The following SLC6A11 variants were observed in gnomAD, a reference collection of about 807,000 sequenced individuals.
SLC6A11 encodes the protein sodium- and chloride-dependent GABA transporter 3.
In SLC6A11, 25 loss-of-function variants were observed where a neutral mutation model predicts 74.8. That is an observed-to-expected ratio of 0.33 (90% confidence interval 0.24 to 0.47). SLC6A11 has a LOEUF of 0.47. Ranked by LOEUF, SLC6A11 falls within the 20% of genes least tolerant of loss-of-function variation. The pLI, the probability that SLC6A11 is intolerant of heterozygous loss-of-function variation, is 1.00. For synonymous variants in SLC6A11, 330 were observed against 330.2 expected, an observed-to-expected ratio of 1.00 and a Z score of 0.01; for missense variants, 574 against 837.0, an observed-to-expected ratio of 0.69 and a Z score of 3.88.
In SLC6A11 at chr3:10,908,498, A is replaced by G. The variant is rs190739805; in HGVS notation, c.892-3592A>G. Among the ~76,000 whole-genome samples, 16 of 152,298 alleles carry G rather than the reference A, an allele frequency of 1.1e-4. No individual in the cohort carries two copies. In the East Asian group the frequency reaches 3.1e-3, roughly 29 times the overall value. ...AGCAAGATGGAAAAATCATTTGAGA[A>G]CATACCCTTAAAGATTCATGTGAAT... On this transcript the variant is annotated intron_variant, in intron 6 of 13. Coordinates refer to ENST00000254488, the MANE Select transcript of SLC6A11 (RefSeq NM_014229.3).
At chr3:10,911,464 G>C (rs965837924) in intron 6 of SLC6A11, among the ~76,000 whole-genome samples, 1 of 152,178 alleles carries the variant, frequency 6.6e-6, no homozygotes, top group Non-Finnish European at 1.5e-5. Flanking sequence ...CACATAGGAA[G>C]CCTAGAGGGG....
At chr3:10,935,337 C>T in intron 13 of SLC6A11, 138 bp downstream of exon 13, 2 of 733,488 alleles carry the variant, frequency 2.7e-6, no homozygotes, top group Non-Finnish European at 4.6e-6. Flanking sequence ...CCTCTCTGGC[C>T]AATGTTCAGT....
In SLC6A11 at chr3:10,940,325, T is replaced by C. The variant is rs6768843; in HGVS notation, c.*1923T>C. 0.41 allele frequency: 61,825 copies of C among 152,070 alleles called. 13,240 individuals are homozygous for C. The highest frequency in any genetic ancestry group is 0.5 in the African/African-American group (20,903 of 41,440). The allele number at this position is 152,070 out of a possible 1,614,324, so 9.4% of individuals were successfully genotyped here. A position where few individuals can be genotyped will look rare whatever the true frequency, so the allele number is the denominator to read the frequency against. ...AGGCCCCAGGCAAGGAGGCTTCCCA[T>C]TGCTGCTGCTACCGGTTCTCCACAG... On this transcript the variant is annotated 3_prime_UTR_variant, in exon 14 of 14. Coordinates refer to ENST00000254488, the MANE Select transcript of SLC6A11 (RefSeq NM_014229.3).
chr3:10,840,662 T>G (rs1694425925), intron 4 of SLC6A11, among the ~76,000 whole-genome samples: 1 of 152,172 alleles, frequency 6.6e-6, no homozygotes. Flanking sequence ...TAGCTTTAAT[T>G]TGTTAAGAAG....
chr3:10,836,429 T>G (rs7620904), intron 4 of SLC6A11, among the ~76,000 whole-genome samples: 4,649 of 152,304 alleles, frequency 0.031, 238 homozygotes, highest in African/African-American at 0.11. Flanking sequence ...AGTGCCAAAT[T>G]GCTTTCCAAA....
At chr3:10,845,833 C>G (rs73113895) in intron 5 of SLC6A11, among the ~76,000 whole-genome samples, 3,147 of 152,174 alleles carry the variant, frequency 0.021, 91 homozygotes, top group African/African-American at 0.072. Flanking sequence ...TTTTCTTTTT[C>G]CAACTATAAA....
chr3:10,828,024 T>C (rs1694237908), intron 4 of SLC6A11, among the ~76,000 whole-genome samples: 1 of 152,192 alleles, frequency 6.6e-6, no homozygotes, highest in Non-Finnish European at 1.5e-5. Flanking sequence ...TCGTTTCCCT[T>C]AGTAACCCAT....
intron 4 of SLC6A11, among the ~76,000 whole-genome samples, chr3:10,832,154 C>T (rs956718048): frequency 3.9e-5 from 6 of 152,148 alleles, no homozygotes; most frequent in Non-Finnish European, 5.9e-5. Flanking sequence ...ATTTTGGAAA[C>T]GCTGAGGGAT....
At chr3:10,924,176 C>A (rs1695571806) in intron 8 of SLC6A11, among the ~76,000 whole-genome samples, 1 of 152,114 alleles carries the variant, frequency 6.6e-6, no homozygotes, top group South Asian at 2.1e-4. Flanking sequence ...TATGAATAAG[C>A]TCTGTGGCGT....
At chr3:10,894,429 A>G (rs932731782) in intron 6 of SLC6A11, among the ~76,000 whole-genome samples, 1 of 152,216 alleles carries the variant, frequency 6.6e-6, no homozygotes, top group African/African-American at 2.4e-5. Context: ...GCAGAGAGAT[A>G]GGTAAGATAA....
Position 10,816,643 on chromosome 3 carries a change from G to A in SLC6A11, c.256+122G>A. 1 of 1,061,920 alleles carries A rather than the reference G, an allele frequency of 9.4e-7. No individual in the cohort carries two copies. The highest frequency in any genetic ancestry group is 1.3e-6 in the Non-Finnish European group (1 of 770,752). The allele number at this position is 1,061,920 out of a possible 1,614,324, so 65.8% of individuals were successfully genotyped here. ...GAGCGGAACCCGAGCGGAGAACCTC[G>A]ACTCCAGGCACCTCGCGTGTGAGCT... On this transcript the variant is annotated intron_variant, in intron 1 of 13. Transcript: ENST00000254488. This position sits in a 1 kb window ranked among gnomAD's most constrained non-coding sequence, Gnocchi z 4.2.
intron 10 of SLC6A11, among the ~76,000 whole-genome samples, chr3:10,930,351 G>A (rs1181010367): frequency 2.0e-5 from 3 of 152,166 alleles, no homozygotes; most frequent in Admixed American, 6.5e-5. Flanking sequence ...CTCAGGGGCC[G>A]TGAGAACAGG....
intron 5 of SLC6A11, among the ~76,000 whole-genome samples, chr3:10,849,261 T>A (rs1164866073): frequency 6.6e-6 from 1 of 152,248 alleles, no homozygotes; most frequent in Non-Finnish European, 1.5e-5. Context: ...GACAGTATCT[T>A]CTGGATGATA....
At position 10,935,025 on chromosome 3, in the gene SLC6A11, G is replaced by T. The variant is rs748201110; in HGVS notation, c.1576-4G>T. 1 of 1,612,990 alleles carries T rather than the reference G, an allele frequency of 6.2e-7. No homozygotes were observed. Among genetic ancestry groups the T allele is most frequent in the Non-Finnish European group, 8.5e-7 (1 of 1,179,434 alleles). ...CCCAGGCACCTGCCCCCATCTCTCT[G>T]CAGGGGATCTTCATCTTCTTCTTGA... is the stretch of plus-strand genomic sequence containing the variant. On this transcript the variant is annotated splice_region_variant and splice_polypyrimidine_tract_variant and intron_variant, in intron 12 of 13. Transcript: ENST00000254488.
chr3:10,923,429 A>G (rs1463276814), intron 8 of SLC6A11, among the ~76,000 whole-genome samples: 1 of 152,180 alleles, frequency 6.6e-6, no homozygotes, highest in Non-Finnish European at 1.5e-5. Context: ...AATGGTTAAA[A>G]CTGAAATAAC....
chr3:10,902,369 G>T (rs1235808122), intron 6 of SLC6A11, among the ~76,000 whole-genome samples: 1 of 152,220 alleles, frequency 6.6e-6, no homozygotes, highest in East Asian at 1.9e-4. Flanking sequence ...CTGCTTTAGT[G>T]ATGGGCAGTT....
intron 7 of SLC6A11, among the ~76,000 whole-genome samples, chr3:10,914,808 G>C (rs561300439): frequency 1.3e-5 from 2 of 152,166 alleles, no homozygotes; most frequent in Non-Finnish European, 2.9e-5. Flanking sequence ...ACCCCCTTGG[G>C]AGTTCTTTCA....
At chr3:10,839,995 G>T (rs1694416981) in intron 4 of SLC6A11, among the ~76,000 whole-genome samples, 1 of 151,996 alleles carries the variant, frequency 6.6e-6, no homozygotes. Context: ...CCTATTGCTT[G>T]CTCAAATGGA....
intron 5 of SLC6A11, among the ~76,000 whole-genome samples, chr3:10,866,137 T>C (rs1488743144): frequency 1.3e-5 from 2 of 152,216 alleles, no homozygotes; most frequent in Admixed American, 1.3e-4. Flanking sequence ...TTGCTTTCCT[T>C]AGGGTGTTGC....
Sources: allele counts gnomAD v4.1 joint callset (sites outside exome capture counted in the v4.1 genomes callset), GRCh38; gene constraint gnomAD v4.1.1; non-coding constraint Gnocchi (gnomAD v3.1); transcripts MANE v1.5; gene names NCBI Gene and HGNC (gene_info 2026-07-23, HGNC 2026-07-21).